The following PACRG variants were observed in gnomAD, a reference collection of about 807,000 sequenced individuals.
The protein encoded by PACRG is parkin coregulated gene protein.
In PACRG, 29 loss-of-function variants were observed where a neutral mutation model predicts 29.7. That is an observed-to-expected ratio of 0.98 (90% confidence interval 0.73 to 1.33). The LOEUF (loss-of-function observed/expected upper bound fraction) is 1.33, where lower values mean the gene tolerates loss of function less well. PACRG is among the 40% of genes most tolerant of loss of function. PACRG has a pLI of 0.00. For missense variants in PACRG, 279 were observed against 316.2 expected, an observed-to-expected ratio of 0.88 and a Z score of 0.89; for synonymous variants, 116 against 118.7, an observed-to-expected ratio of 0.98 and a Z score of 0.15.
intron 3 of PACRG, among the ~76,000 whole-genome samples, chr6:163,067,790 C>T (rs1394591089): frequency 6.6e-6 from 1 of 152,162 alleles, no homozygotes; most frequent in East Asian, 1.9e-4. Context: ...TACCTTCTTC[C>T]CCACTAATTA....
chr6:162,800,702 T>G (rs762528037), intron 1 of PACRG, among the ~76,000 whole-genome samples: 2 of 152,106 alleles, frequency 1.3e-5, no homozygotes, highest in Non-Finnish European at 2.9e-5. Flanking sequence ...AAACAAGGAG[T>G]TGATGTGTTC....
chr6:162,785,203 G>GAGAGAGAGAGA (rs1784375481), intron 1 of PACRG, among the ~76,000 whole-genome samples: 9 of 127,110 alleles, frequency 7.1e-5, no homozygotes, highest in African/African-American at 2.9e-4. Flanking sequence ...AGAGAGAGAG[G>GAGAGAGAGAGA]GAGAGAAAGG....
At chr6:162,848,291 G>A (rs750083729) in intron 2 of PACRG, among the ~76,000 whole-genome samples, 5 of 152,154 alleles carry the variant, frequency 3.3e-5, no homozygotes, top group African/African-American at 9.7e-5. Context: ...ACCTTTTACC[G>A]AAATGTGTCC....
chr6:162,795,097 G>A (rs1339027628), intron 1 of PACRG, among the ~76,000 whole-genome samples: 1 of 151,934 alleles, frequency 6.6e-6, no homozygotes, highest in South Asian at 2.1e-4. Context: ...CAGACATCTG[G>A]AAGAACACTC....
intron 2 of PACRG, among the ~76,000 whole-genome samples, chr6:162,825,504 T>C (rs920366989): frequency 6.6e-6 from 1 of 152,230 alleles, no homozygotes; most frequent in African/African-American, 2.4e-5. Context: ...ACTGTATAAT[T>C]TGTTGAAATT....
intron 1 of PACRG, among the ~76,000 whole-genome samples, chr6:162,800,976 G>A (rs995266384): frequency 2.0e-5 from 3 of 152,124 alleles, no homozygotes; most frequent in Admixed American, 6.5e-5. Flanking sequence ...TCCTCCACGT[G>A]CGCTGAGCCG....
chr6:163,191,804 C>T, intron 4 of PACRG: 1 of 456,042 alleles, frequency 2.2e-6, no homozygotes, highest in East Asian at 7.0e-5. Context: ...TTTCCAGCCA[C>T]CTTTTTTCTC....
At chr6:162,869,151 A>G (rs1210353512) in intron 2 of PACRG, among the ~76,000 whole-genome samples, 3 of 152,168 alleles carry the variant, frequency 2.0e-5, no homozygotes, top group African/African-American at 7.2e-5. Context: ...CAAATCCCAA[A>G]TAACAGTGGA....
intron 2 of PACRG, among the ~76,000 whole-genome samples, chr6:162,839,694 C>G (rs1387416397): frequency 4.6e-5 from 7 of 152,254 alleles, no homozygotes. Context: ...ATGGTATTGC[C>G]TAGGTTTTCT....
At chr6:162,729,279 C>T (rs1045854185) in intron 1 of PACRG, among the ~76,000 whole-genome samples, 3 of 152,048 alleles carry the variant, frequency 2.0e-5, no homozygotes, top group African/African-American at 7.2e-5. Context: ...GTAATTTACA[C>T]CCTGGGAAGA....
Position 163,023,743 on chromosome 6 carries a change from T to C in PACRG, c.292-38407T>C, listed in dbSNP as rs118161974. Among the ~76,000 whole-genome samples, 1,197 of 152,268 alleles carry C rather than the reference T, an allele frequency of 7.9e-3. 7 individuals carry two copies. Among genetic ancestry groups the C allele is most frequent in the South Asian group, 0.025 (121 of 4,822 alleles). On this transcript the variant is annotated intron_variant, in intron 2 of 4. Coordinates refer to ENST00000366888, the MANE Select transcript of PACRG (RefSeq NM_001080379.2). ...CTGCAGCCTCACCAGGATCTGTTGT[T>C]TTTTGACTTTTTAATAATTGTCATT...
intron 4 of PACRG, among the ~76,000 whole-genome samples, chr6:163,209,270 T>C (rs1258000394): frequency 6.6e-6 from 1 of 152,234 alleles, no homozygotes; most frequent in Admixed American, 6.5e-5. Context: ...TCAGTAGCCT[T>C]AGTGCAGACT....
chr6:163,227,232 C>T lies in PACRG; in HGVS notation c.614-87595C>T, dbSNP rs185042722. On this transcript the variant is annotated intron_variant, in intron 4 of 4. Transcript: ENST00000366888. ...GGAAGCTTCTACTCACGATAGAGGGCGAAGTAGGAGCACGCACATCACAAG... is the reference window on the plus strand; with the variant it reads ...GGAAGCTTCTACTCACGATAGAGGGTGAAGTAGGAGCACGCACATCACAAG... 9.4e-4 allele frequency among the ~76,000 whole-genome samples: 143 copies of T among 152,160 alleles called. 1 individual carries two copies. The highest frequency in any genetic ancestry group is 3.0e-3 in the African/African-American group (125 of 41,496).
intron 3 of PACRG, among the ~76,000 whole-genome samples, chr6:163,081,672 C>T (rs1036486382): frequency 6.6e-6 from 1 of 152,136 alleles, no homozygotes; most frequent in Non-Finnish European, 1.5e-5. Flanking sequence ...GACAGGATCA[C>T]TTAAGCCCAG....
At chr6:162,874,139 T>TAAAA (rs56159049) in intron 2 of PACRG, among the ~76,000 whole-genome samples, 11,933 of 132,834 alleles carry the variant, frequency 0.09, 589 homozygotes, top group Middle Eastern at 0.13. Context: ...ATGAGGGAGT[T>TAAAA]AAAAAAAAAA....
chr6:162,882,653 G>A (rs980582881), intron 2 of PACRG, among the ~76,000 whole-genome samples: 10 of 152,288 alleles, frequency 6.6e-5, no homozygotes, highest in South Asian at 4.1e-4. Flanking sequence ...GTTCTGATGA[G>A]ACTCGACTCT....
At chr6:163,116,998 A>G (rs1385623154) in intron 4 of PACRG, among the ~76,000 whole-genome samples, 1 of 152,118 alleles carries the variant, frequency 6.6e-6, no homozygotes, top group East Asian at 1.9e-4. Context: ...GGCCAGCATC[A>G]TTTCTCCACT....
chr6:162,833,197 G>A (rs1221023099), intron 2 of PACRG, among the ~76,000 whole-genome samples: 3 of 152,114 alleles, frequency 2.0e-5, no homozygotes, highest in Non-Finnish European at 4.4e-5. Context: ...AGTGTCAAAA[G>A]ATGAATTAAC....
At chr6:163,067,189 T>C (rs754484202) in intron 3 of PACRG, among the ~76,000 whole-genome samples, 12 of 152,156 alleles carry the variant, frequency 7.9e-5, no homozygotes, top group African/African-American at 1.2e-4. Context: ...CTTGGTAAAA[T>C]GCAGGCTCCA....
Sources: allele counts gnomAD v4.1 joint callset (sites outside exome capture counted in the v4.1 genomes callset), GRCh38; gene constraint gnomAD v4.1.1; transcripts MANE v1.5; gene names NCBI Gene and HGNC (gene_info 2026-07-23, HGNC 2026-07-21).